Variants in LRMDA observed in about 807,000 individuals in gnomAD.
LRMDA encodes the protein leucine-rich melanocyte differentiation-associated protein.
Under a neutral mutation model 29.8 loss-of-function variants are expected in LRMDA, and 18 were observed. That is an observed-to-expected ratio of 0.60 (90% CI 0.42 to 0.90). The LOEUF (loss-of-function observed/expected upper bound fraction) is 0.90. LRMDA is among the 40% of genes least tolerant of loss of function. LRMDA has a pLI of 0.00. For missense variants in LRMDA, 273 were observed against 273.9 expected, an observed-to-expected ratio of 1.00 and a Z score of 0.02; for synonymous variants, 125 against 109.4, an observed-to-expected ratio of 1.14 and a Z score of -0.89.
chr10:75,519,239 T>C (rs966003208), intron 2 of LRMDA, among the ~76,000 whole-genome samples: 12 of 152,304 alleles, frequency 7.9e-5, no homozygotes, highest in African/African-American at 2.9e-4. Context: ...CAGAGCTGAG[T>C]TCATGTCCTG....
intron 5 of LRMDA, among the ~76,000 whole-genome samples, chr10:76,291,636 T>C (rs991878263): frequency 6.6e-6 from 1 of 152,164 alleles, no homozygotes; most frequent in Admixed American, 6.5e-5. Flanking sequence ...TTAAGTGGAA[T>C]AGCTTGATTA....
chr10:76,447,833 G>A (rs1842368168), intron 6 of LRMDA, among the ~76,000 whole-genome samples: 1 of 152,160 alleles, frequency 6.6e-6, no homozygotes, highest in Admixed American at 6.5e-5. Flanking sequence ...CTAACCTAGA[G>A]TTCAACAACC....
intron 2 of LRMDA, among the ~76,000 whole-genome samples, chr10:75,457,280 TTG>T (rs1844529827): frequency 1.3e-5 from 2 of 152,236 alleles, no homozygotes; most frequent in African/African-American, 4.8e-5. Context: ...TTCAAATTCA[TTG>T]TTGTCCTAAG....
At chr10:75,473,624 ATGTT>A in intron 2 of LRMDA, among the ~76,000 whole-genome samples, 1 of 152,128 alleles carries the variant, frequency 6.6e-6, no homozygotes, top group East Asian at 1.9e-4. Context: ...AGCTCCATGG[ATGTT>A]TGTTACCATG....
intron 5 of LRMDA, among the ~76,000 whole-genome samples, chr10:76,301,113 A>G (rs565137913): frequency 2.0e-5 from 3 of 152,308 alleles, no homozygotes; most frequent in African/African-American, 7.2e-5. Flanking sequence ...GCCCTCAGTT[A>G]TATTAAAAAT....
At chr10:76,286,113 C>T (rs1167400826) in intron 5 of LRMDA, among the ~76,000 whole-genome samples, 5 of 152,134 alleles carry the variant, frequency 3.3e-5, no homozygotes, top group African/African-American at 9.7e-5. Flanking sequence ...TTCAAAGAGT[C>T]GCTGTAGCAT....
chr10:76,443,098 C>T (rs1415391510), intron 6 of LRMDA, among the ~76,000 whole-genome samples: 1 of 152,132 alleles, frequency 6.6e-6, no homozygotes, highest in Non-Finnish European at 1.5e-5. Context: ...GCCTTCATTC[C>T]TAGCACAGTG....
intron 2 of LRMDA, among the ~76,000 whole-genome samples, chr10:75,678,371 A>C (rs1841986157): frequency 6.6e-6 from 1 of 152,194 alleles, no homozygotes; most frequent in African/African-American, 2.4e-5. Context: ...GATTTTATAC[A>C]TTCATTCTCA....
At chr10:76,177,207 T>G (rs1371030097) in intron 5 of LRMDA, among the ~76,000 whole-genome samples, 1 of 152,186 alleles carries the variant, frequency 6.6e-6, no homozygotes, top group African/African-American at 2.4e-5. Context: ...GCCAAGTACT[T>G]TTCCTTGCAG....
chr10:76,532,143 A>C (rs145433197), intron 6 of LRMDA, among the ~76,000 whole-genome samples: 1 of 152,142 alleles, frequency 6.6e-6, no homozygotes, highest in Non-Finnish European at 1.5e-5. Flanking sequence ...CGTCACCTAC[A>C]TTAGGTATTT....
chr10:76,373,243 T>G (rs1841476305), intron 6 of LRMDA, among the ~76,000 whole-genome samples: 1 of 152,196 alleles, frequency 6.6e-6, no homozygotes, highest in Non-Finnish European at 1.5e-5. Flanking sequence ...ATAAAAAAGC[T>G]TAATTCCTTC....
intron 5 of LRMDA, among the ~76,000 whole-genome samples, chr10:76,169,601 G>A (rs553822202): frequency 1.2e-4 from 19 of 152,232 alleles, no homozygotes; most frequent in Admixed American, 9.8e-4. Context: ...CATTAAGGAA[G>A]ACTCAGAAGA....
chr10:76,349,480 T>A (rs1457464553), intron 6 of LRMDA, among the ~76,000 whole-genome samples: 1 of 152,114 alleles, frequency 6.6e-6, no homozygotes, highest in Non-Finnish European at 1.5e-5. Flanking sequence ...ATATATTATA[T>A]ATATTTACCT....
At chr10:76,461,583 C>T (rs1188038902) in intron 6 of LRMDA, among the ~76,000 whole-genome samples, 1 of 152,114 alleles carries the variant, frequency 6.6e-6, no homozygotes, top group Non-Finnish European at 1.5e-5. Flanking sequence ...CAGAATGCAA[C>T]AAGATTGCAT....
intron 2 of LRMDA, among the ~76,000 whole-genome samples, chr10:75,472,818 A>T (rs576301397): frequency 6.6e-6 from 1 of 152,340 alleles, no homozygotes; most frequent in East Asian, 1.9e-4. Flanking sequence ...GCAAAGCCCT[A>T]CATCTGTTCT....
chr10:76,348,987 A>G (rs1160585349), intron 6 of LRMDA, among the ~76,000 whole-genome samples: 1 of 152,196 alleles, frequency 6.6e-6, no homozygotes, highest in African/African-American at 2.4e-5. Context: ...GAGGAGGTCA[A>G]ATACTTGGGT....
intron 2 of LRMDA, among the ~76,000 whole-genome samples, chr10:75,789,826 TTGCTC>T (rs1843535613): frequency 6.6e-6 from 1 of 152,206 alleles, no homozygotes; most frequent in South Asian, 2.1e-4. Flanking sequence ...ATACGAGTCT[TTGCTC>T]TGACACATAG....
intron 2 of LRMDA, among the ~76,000 whole-genome samples, chr10:75,929,674 C>G (rs1005150726): frequency 2.0e-5 from 3 of 152,114 alleles, no homozygotes; most frequent in African/African-American, 7.2e-5. Flanking sequence ...ATGACAGGGA[C>G]CACTGTGGGT....
chr10:76,429,782 G>T (rs1183224088), intron 6 of LRMDA, among the ~76,000 whole-genome samples: 1 of 152,154 alleles, frequency 6.6e-6, no homozygotes, highest in African/African-American at 2.4e-5. Context: ...GGGGGCCTGG[G>T]CAGGGGCCAC....
Sources: gnomAD v4.1 joint callset for allele counts (sites outside exome capture counted in the v4.1 genomes callset) on GRCh38, gnomAD v4.1.1 for gene constraint, MANE v1.5 for transcripts, NCBI Gene and HGNC (gene_info 2026-07-23, HGNC 2026-07-21) for gene names.